Variants in SSR3 observed in about 807,000 individuals in gnomAD.
The protein encoded by SSR3 is translocon-associated protein subunit gamma.
Under a neutral mutation model 22.1 loss-of-function variants are expected in SSR3, and 10 were observed. That is an observed-to-expected ratio of 0.45 (90% CI 0.28 to 0.77). The LOEUF (loss-of-function observed/expected upper bound fraction) is 0.77, where lower values mean the gene tolerates loss of function less well. Among genes scored for constraint, SSR3 ranks in the 30% least tolerant of loss-of-function variants. SSR3 has a pLI of 0.13. For missense variants in SSR3, 181 were observed against 220.5 expected (o/e 0.82, Z 1.13); for synonymous variants, 104 against 82.5 (o/e 1.26, Z -1.42).
At chr3:156,554,868 C>G in intron 1 of SSR3, 89 bp downstream of exon 1, 1 of 1,516,340 alleles carries the variant, frequency 6.6e-7, no homozygotes, top group Non-Finnish European at 8.8e-7. Flanking sequence ...CCGGCACCCA[C>G]GCCTTCCCTG....
intron 2 of SSR3, 80 bp downstream of exon 2, chr3:156,553,575 C>T: frequency 1.4e-6 from 2 of 1,422,826 alleles, no homozygotes; most frequent in South Asian, 1.5e-5. Flanking sequence ...TTATTAAAAC[C>T]AACACACACA....
intron 3 of SSR3, among the ~76,000 whole-genome samples, chr3:156,548,043 T>C (rs1297031108): frequency 1.3e-5 from 2 of 152,246 alleles, no homozygotes; most frequent in East Asian, 3.8e-4. Flanking sequence ...ATATGCACTT[T>C]AACAATGGAA....
intron 1 of SSR3, 142 bp from the exon 2 acceptor site, chr3:156,553,923 T>C (rs1720058451): frequency 8.0e-6 from 6 of 750,228 alleles, no homozygotes; most frequent in Non-Finnish European, 4.0e-6. Context: ...TCTGAGGATC[T>C]TCAGAAGCGA....
At position 156,543,125 on chromosome 3, in the gene SSR3, AC is replaced by A. The variant is rs1171661511; in HGVS notation, c.*77del. 2.9e-5 allele frequency: 38 copies of A among 1,321,180 alleles called. No homozygotes were observed. The highest frequency in any genetic ancestry group is 3.9e-5 in the Non-Finnish European group (36 of 925,372). The allele number at this position is 1,321,180 out of a possible 1,614,324, so 81.8% of individuals were successfully genotyped here. A position where few individuals can be genotyped will look rare whatever the true frequency, so the allele number is the denominator to read the frequency against. ...ACTATAAAAACATCTTGTGTCTCCC[AC>A]CCTGACCACCCTGCTACTTTTCCAT... On this transcript the variant is annotated 3_prime_UTR_variant, in exon 5 of 5. Transcript: ENST00000265044.
intron 2 of SSR3, among the ~76,000 whole-genome samples, chr3:156,553,037 A>T (rs1372024546): frequency 1.4e-5 from 2 of 143,500 alleles, no homozygotes; most frequent in African/African-American, 5.2e-5. Flanking sequence ...AATGACAGAG[A>T]GTTAAAAAAA....
rs187440539 is a variant in SSR3 at position 156,551,044 on chromosome 3, C to T, written c.261-2041G>A. On this transcript the variant is annotated intron_variant, in intron 2 of 4. Transcript: ENST00000265044. ...TCTACTGCCAACAGCTACCCACACT[C>T]AGCATCTTGCTGGATCTTTGAACCT... 4.0e-3 allele frequency among the ~76,000 whole-genome samples: 616 copies of T among 152,322 alleles called. 5 individuals carry two copies. Among genetic ancestry groups the T allele is most frequent in the African/African-American group, 0.014 (586 of 41,574 alleles).
rs371272612 is a variant in SSR3, at chr3:156,541,595, G to C, written c.*1608C>G. ...CGCCTGGCTAATTTTGGTATTTTTAGTAGAGACGGGGTTTCACCATGTTGG... is the reference window on the plus strand; with the variant it reads ...CGCCTGGCTAATTTTGGTATTTTTACTAGAGACGGGGTTTCACCATGTTGG... On this transcript the variant is annotated 3_prime_UTR_variant, in exon 5 of 5. Transcript: ENST00000265044. 3.9e-5 allele frequency: 6 copies of C among 152,202 alleles called. No individual in the cohort carries two copies. The East Asian group carries it at 9.7e-4, about 25-fold the overall frequency. The allele number at this position is 152,202 out of a possible 1,614,324, so 9.4% of individuals were successfully genotyped here.
At chr3:156,543,320 T>C (rs373437501) in intron 4 of SSR3, 51 bp from the exon 5 acceptor site, 7 of 1,492,236 alleles carry the variant, frequency 4.7e-6, no homozygotes, top group Non-Finnish European at 6.5e-6. Flanking sequence ...AATTGGTTTT[T>C]TGAGAAAATA....
At chr3:156,549,777 C>T (rs1719885228) in intron 2 of SSR3, among the ~76,000 whole-genome samples, 1 of 151,902 alleles carries the variant, frequency 6.6e-6, no homozygotes, top group Non-Finnish European at 1.5e-5. Flanking sequence ...TGTTACCCCA[C>T]ACAAATTGGT....
At chr3:156,552,172 T>C (rs2078778227) in intron 2 of SSR3, among the ~76,000 whole-genome samples, 1 of 151,838 alleles carries the variant, frequency 6.6e-6, no homozygotes, top group Admixed American at 6.6e-5. Context: ...GTGGTAGTAG[T>C]GCGTGCCTGT....
chr3:156,548,966 C>T lies in SSR3; in HGVS notation c.298G>A (p.Val100Met), dbSNP rs760025223. ...QKREDAVSKE[V>M]TRKLSEADNR... is the part of the protein sequence containing the mutation. ...TCAGCTTCAGAAAGTTTTCGAGTCA[C>T]TTCTTTGGAAACAGCATCCTCCCTC... is the stretch of plus-strand genomic sequence containing the variant. The change falls in exon 3 of 5, where the codon GTG (valine) becomes ATG (methionine). Residue 100 changes from valine to methionine, a missense_variant. Val to Met is a conservative substitution (Grantham distance 21). Coordinates refer to ENST00000265044, the MANE Select transcript of SSR3 (RefSeq NM_007107.5). 1.9e-6 allele frequency: 3 copies of T among 1,613,310 alleles called. No homozygotes were observed. The East Asian group carries it at 6.7e-5, about 36-fold the overall frequency.
intron 2 of SSR3, among the ~76,000 whole-genome samples, chr3:156,553,361 G>A (rs533069147): frequency 6.6e-6 from 1 of 152,330 alleles, no homozygotes; most frequent in South Asian, 2.1e-4. Context: ...CTTCTGAAAT[G>A]TTAACTTACT....
At chr3:156,553,422 GT>G (rs1320103286) in intron 2 of SSR3, among the ~76,000 whole-genome samples, 1 of 152,138 alleles carries the variant, frequency 6.6e-6, no homozygotes, top group Non-Finnish European at 1.5e-5. Context: ...GTGTTTAAGT[GT>G]TCTAATTCCA....
At position 156,544,195 on chromosome 3, in the gene SSR3, G is replaced by T. The variant is rs531013046; in HGVS notation, c.491+113C>A. ...TATCTAAAGTCAGCACTATTTAATG[G>T]ACTGACTCCCAGAGCAGTTTTTCTT... On this transcript the variant is annotated intron_variant, in intron 4 of 4. Coordinates refer to ENST00000265044, the MANE Select transcript of SSR3 (RefSeq NM_007107.5). 5.1e-4 allele frequency: 457 copies of T among 904,644 alleles called. 5 individuals carry two copies. The African/African-American group carries it at 7.1e-3, about 14-fold the overall frequency. 56.0% of individuals were successfully genotyped at this position (904,644 alleles called of 1,614,324 possible).
At chr3:156,547,175 A>G (rs1719797383) in intron 3 of SSR3, among the ~76,000 whole-genome samples, 1 of 152,202 alleles carries the variant, frequency 6.6e-6, no homozygotes, top group Non-Finnish European at 1.5e-5. Context: ...GCACTTATAT[A>G]TATCCATGAA....
intron 3 of SSR3, 75 bp from the exon 4 acceptor site, chr3:156,544,514 G>C (rs757011622): frequency 2.2e-5 from 27 of 1,241,334 alleles, no homozygotes; most frequent in Non-Finnish European, 2.9e-5. Flanking sequence ...TATGGCTCTA[G>C]TTCATCATAA....
intron 4 of SSR3, 44 bp downstream of exon 4, chr3:156,544,264 G>A (rs1456105113): frequency 2.0e-6 from 3 of 1,464,740 alleles, no homozygotes; most frequent in Non-Finnish European, 2.7e-6. Context: ...ATGAACTACT[G>A]TTTCTTGACT....
At chr3:156,554,900 C>T in intron 1 of SSR3, 57 bp downstream of exon 1, 2 of 1,573,210 alleles carry the variant, frequency 1.3e-6, no homozygotes, top group South Asian at 2.3e-5. Flanking sequence ...CTGCCACGTC[C>T]CCGCCCAGCC....
intron 3 of SSR3, among the ~76,000 whole-genome samples, chr3:156,547,272 C>A (rs1227746577): frequency 6.6e-6 from 1 of 152,182 alleles, no homozygotes; most frequent in Non-Finnish European, 1.5e-5. Context: ...CTAGTAGTGA[C>A]TACCTGAACA....
Sources: gnomAD v4.1 joint callset for allele counts (sites outside exome capture counted in the v4.1 genomes callset) on GRCh38, gnomAD v4.1.1 for gene constraint, MANE v1.5 for transcripts, NCBI Gene and HGNC (gene_info 2026-07-23, HGNC 2026-07-21) for gene names.